The following GCNT1 variants were observed in gnomAD, a reference collection of about 807,000 sequenced individuals.
GCNT1 encodes beta-1,3-galactosyl-O-glycosyl-glycoprotein beta-1,6-N-acetylglucosaminyltransferase.
In GCNT1, 16 loss-of-function variants were observed where a neutral mutation model predicts 26.2. That is an observed-to-expected ratio of 0.61 (90% CI 0.41 to 0.93). GCNT1 has a LOEUF of 0.93. GCNT1 is among the 40% of genes least tolerant of loss of function. The pLI is 0.00. For synonymous variants in GCNT1, 183 were observed against 190.8 expected (o/e 0.96, Z 0.34); for missense variants, 477 against 526.7 (o/e 0.91, Z 0.92).
chr9:76,499,980 T>G (rs1825017791), intron 2 of GCNT1, among the ~76,000 whole-genome samples: 1 of 152,200 alleles, frequency 6.6e-6, no homozygotes, highest in African/African-American at 2.4e-5. Flanking sequence ...GTGCTTTCTT[T>G]CAGTTATTTA....
Position 76,505,853 on chromosome 9 carries a change from A to C in GCNT1, c.*2185A>C, listed in dbSNP as rs1223787187. The C allele has an allele frequency of 1.2e-5, 2 of 165,958 alleles. No individual in the cohort carries two copies. The highest frequency in any genetic ancestry group is 2.9e-5 in the Non-Finnish European group (2 of 68,122). 10.3% of individuals were successfully genotyped at this position (165,958 alleles called of 1,614,324 possible). A position where few individuals can be genotyped will look rare whatever the true frequency, so the allele number is the denominator to read the frequency against. Reference sequence around the variant, plus strand: ...TGAGGGATTTTTTTCTTCATCATAAATGTAAACATAGGATTTTAGAGTCTA... The same window carrying C: ...TGAGGGATTTTTTTCTTCATCATAACTGTAAACATAGGATTTTAGAGTCTA... On this transcript the variant is annotated 3_prime_UTR_variant, in exon 4 of 4. Coordinates refer to ENST00000376730, the MANE Select transcript of GCNT1 (RefSeq NM_001490.5).
intron 1 of GCNT1, among the ~76,000 whole-genome samples, chr9:76,443,808 G>A (rs1823519462): frequency 1.3e-5 from 2 of 152,032 alleles, no homozygotes; most frequent in South Asian, 4.1e-4. Flanking sequence ...TTGAACCTGG[G>A]AGGCGGAGGT....
At chr9:76,443,931 AAGG>A (rs1823526191) in intron 1 of GCNT1, among the ~76,000 whole-genome samples, 1 of 31,300 alleles carries the variant, frequency 3.2e-5, no homozygotes, top group South Asian at 1.3e-3. Context: ...GAAAGGAAGA[AAGG>A]AAGGAAGGAA....
At chr9:76,411,560 C>T in the GCNT1 span, among the ~76,000 whole-genome samples, 1 of 151,890 alleles carries the variant, frequency 6.6e-6, no homozygotes, top group Non-Finnish European at 1.5e-5. Flanking sequence ...AAATCCTGGG[C>T]TCAAGCCATC....
intron 1 of GCNT1, among the ~76,000 whole-genome samples, chr9:76,446,404 T>C (rs1332710327): frequency 6.6e-6 from 1 of 152,178 alleles, no homozygotes; most frequent in African/African-American, 2.4e-5. Flanking sequence ...CTCCATGCAA[T>C]CTTCTTAGAG....
chr9:76,409,180 C>T, the GCNT1 span, among the ~76,000 whole-genome samples: 1 of 151,980 alleles, frequency 6.6e-6, no homozygotes, highest in Non-Finnish European at 1.5e-5. Flanking sequence ...TTTTGGCGAA[C>T]GTGTCTTTAA....
chr9:76,421,533 G>GGT, intron 1 of GCNT1, among the ~76,000 whole-genome samples: 1 of 148,278 alleles, frequency 6.7e-6, no homozygotes, highest in Non-Finnish European at 1.5e-5. Flanking sequence ...GAACCCAGGA[G>GGT]GGAGGCTGAG....
intron 2 of GCNT1, among the ~76,000 whole-genome samples, chr9:76,486,692 A>G (rs781401769): frequency 3.3e-5 from 5 of 152,172 alleles, no homozygotes; most frequent in Admixed American, 6.5e-5. Context: ...TTATCATTTT[A>G]TCTTAAACAG....
At chr9:76,393,996 G>A in the GCNT1 span, 1 of 1,206,126 alleles carries the variant, frequency 8.3e-7, no homozygotes, top group South Asian at 1.4e-5. Flanking sequence ...CCGCGGTCCG[G>A]AGGCCCCACG....
chr9:76,393,933 G>A, the GCNT1 span: 3 of 675,792 alleles, frequency 4.4e-6, no homozygotes, highest in South Asian at 2.0e-5. Flanking sequence ...CCGAGCCAAC[G>A]GTCCTCCGCC....
Position 76,503,574 on chromosome 9 carries a change from T to C in GCNT1, c.1193T>C (p.Phe398Ser). 2 of 1,614,194 alleles carry C rather than the reference T, an allele frequency of 1.2e-6. No homozygotes were observed. The highest frequency in any genetic ancestry group is 1.7e-6 in the Non-Finnish European group (2 of 1,180,032). ...LNWMLRKHHL[F>S]ANKFDVDVDL... is the part of the protein sequence containing the mutation. ...TGGATGCTGCGCAAACACCACTTGT[T>C]TGCCAATAAGTTTGACGTGGATGTT... The change falls in exon 4 of 4, where the codon TTT becomes TCT. Residue 398 changes from phenylalanine to serine, a missense_variant. Physicochemically the swap from Phe to Ser is radical, Grantham distance 155 (BLOSUM62 -2). Transcript: ENST00000376730.
rs1825254922 is a variant in GCNT1 at position 76,506,955 on chromosome 9, G to A, written c.*3287G>A. On this transcript the variant is annotated 3_prime_UTR_variant, in exon 4 of 4. Coordinates refer to ENST00000376730, the MANE Select transcript of GCNT1 (RefSeq NM_001490.5). ...CGCTCCTCAACTTATGATGTGGGTAGGTCCCAGTAAACCCATTATAATTTG... is the reference window on the plus strand; with the variant it reads ...CGCTCCTCAACTTATGATGTGGGTAAGTCCCAGTAAACCCATTATAATTTG... 6.0e-6 allele frequency: 1 copy of A among 166,946 alleles called. No homozygotes were observed. The highest frequency in any genetic ancestry group is 2.4e-5 in the African/African-American group (1 of 41,406). 10.3% of individuals were successfully genotyped at this position (166,946 alleles called of 1,614,324 possible).
At chr9:76,496,480 G>A (rs1001636405) in intron 2 of GCNT1, among the ~76,000 whole-genome samples, 8 of 152,058 alleles carry the variant, frequency 5.3e-5, no homozygotes, top group Non-Finnish European at 7.3e-5. Context: ...TGCTTTTCCA[G>A]TTTGATTTCT....
Position 76,503,672 on chromosome 9 carries a change from T to G in GCNT1, c.*4T>G, listed in dbSNP as rs1266893688. 2 of 1,603,614 alleles carry G rather than the reference T, an allele frequency of 1.2e-6. No homozygotes were observed. ...TTTGGAGACATTAAAACACTGACCA[T>G]TACGGGCAATTTTATGAACAAGAAG... On this transcript the variant is annotated 3_prime_UTR_variant, in exon 4 of 4. Transcript: ENST00000376730.
chr9:76,456,064 T>C (rs1823754929), upstream of GCNT1, among the ~76,000 whole-genome samples: 2 of 152,270 alleles, frequency 1.3e-5, no homozygotes, highest in Non-Finnish European at 2.9e-5. Context: ...ATGAGTTTGC[T>C]CCTTGTGCTG....
upstream of GCNT1, among the ~76,000 whole-genome samples, chr9:76,419,296 G>A (rs563801482): frequency 2.5e-4 from 38 of 152,246 alleles, no homozygotes; most frequent in Admixed American, 1.8e-3. Flanking sequence ...TCATTACTGT[G>A]TCACCAGAGC....
At chr9:76,399,261 C>T in the GCNT1 span, 75 of 1,450,436 alleles carry the variant, frequency 5.2e-5, no homozygotes, top group Admixed American at 8.4e-5. Context: ...ATGTGTAGCA[C>T]GATTTCCTAT....
At chr9:76,436,323 T>G (rs757150569) in intron 1 of GCNT1, among the ~76,000 whole-genome samples, 2 of 152,026 alleles carry the variant, frequency 1.3e-5, no homozygotes, top group Non-Finnish European at 2.9e-5. Context: ...ACCATTTCCC[T>G]GCTTAGAAAG....
At chr9:76,462,572 T>C (rs1823896872) in intron 2 of GCNT1, among the ~76,000 whole-genome samples, 1 of 152,216 alleles carries the variant, frequency 6.6e-6, no homozygotes, top group Non-Finnish European at 1.5e-5. Context: ...CATAGGCAAA[T>C]GTTCCCCGGA....
Sources: gnomAD v4.1 joint callset for allele counts (sites outside exome capture counted in the v4.1 genomes callset) on GRCh38, gnomAD v4.1.1 for gene constraint, MANE v1.5 for transcripts, NCBI Gene and HGNC (gene_info 2026-07-23, HGNC 2026-07-21) for gene names.